VPS41: variants seen among roughly 807,000 people sequenced by gnomAD.
VPS41 encodes VPS41 subunit of HOPS complex.
A neutral mutation model predicts 130.9 loss-of-function variants in VPS41; 85 were observed. The observed-to-expected ratio is 0.65, with a 90% CI of 0.55 to 0.78. The LOEUF is 0.78. Ranked by LOEUF, VPS41 falls within the 30% of genes least tolerant of loss-of-function variation. The probability of loss-of-function intolerance (pLI) is 0.00; values close to 1 mark genes in which losing one functional copy is unlikely to be tolerated. For missense variants in VPS41, 874 were observed against 1,018.7 expected (o/e 0.86, Z 1.93); for synonymous variants, 335 against 332.9 (o/e 1.01, Z -0.07).
chr7:38,727,208 C>T (rs1795562127), intron 27 of VPS41: 1 of 348,780 alleles, frequency 2.9e-6, no homozygotes, highest in Non-Finnish European at 5.2e-6. Context: ...CTTGCTTAGC[C>T]TCTGTGTCAC....
At chr7:38,736,645 G>C (rs764646053) in intron 25 of VPS41, among the ~76,000 whole-genome samples, 1 of 152,220 alleles carries the variant, frequency 6.6e-6, no homozygotes, top group Non-Finnish European at 1.5e-5. Flanking sequence ...CACAGGATAT[G>C]ATGTGGAAGA....
chr7:38,752,193 G>A lies in VPS41; in HGVS notation c.1909C>T (p.His637Tyr), dbSNP rs900291498. 1 of 1,613,782 alleles carries A rather than the reference G, an allele frequency of 6.2e-7. No homozygotes were observed. The highest frequency in any genetic ancestry group is 8.5e-7 in the Non-Finnish European group (1 of 1,179,842). The change falls in exon 22 of 29, where the codon CAT becomes TAT. Residue 637 changes from histidine to tyrosine, a missense_variant. Transcript: ENST00000310301. ...TGCCTTACCTTTTCAAGTGGGCAAT[G>A]GGTACTGTCTCGGAGAAAGGGAAGT... Reference protein sequence around the residue: ...NLLPFLRDSTHCPLEKALEIC... With the variant: ...NLLPFLRDSTYCPLEKALEIC...
intron 3 of VPS41, among the ~76,000 whole-genome samples, chr7:38,863,707 A>C (rs1786168714): frequency 6.6e-6 from 1 of 152,158 alleles, no homozygotes. Flanking sequence ...CCAGGGTAAA[A>C]AAAATCAATA....
At chr7:38,774,804 T>A (rs1784226940) in intron 11 of VPS41, among the ~76,000 whole-genome samples, 1 of 152,136 alleles carries the variant, frequency 6.6e-6, no homozygotes, top group Non-Finnish European at 1.5e-5. Flanking sequence ...GTTTTGTTGA[T>A]CTTGGATCTC....
At chr7:38,820,758 T>C (rs750919158) in intron 6 of VPS41, among the ~76,000 whole-genome samples, 1 of 152,210 alleles carries the variant, frequency 6.6e-6, no homozygotes, top group African/African-American at 2.4e-5. Context: ...TATGTTGTTC[T>C]TCCACATGGA....
chr7:38,829,296 T>C (rs1226277065), intron 5 of VPS41, among the ~76,000 whole-genome samples: 1 of 152,228 alleles, frequency 6.6e-6, no homozygotes, highest in African/African-American at 2.4e-5. Flanking sequence ...AGAGACTTCA[T>C]GTTGCTTTTT....
intron 1 of VPS41, among the ~76,000 whole-genome samples, chr7:38,902,874 A>G (rs1033400247): frequency 6.6e-6 from 1 of 152,180 alleles, no homozygotes; most frequent in Non-Finnish European, 1.5e-5. Flanking sequence ...CGTACCCCTC[A>G]GCTAGCACCT....
intron 11 of VPS41, among the ~76,000 whole-genome samples, chr7:38,776,107 C>A (rs1302979539): frequency 2.0e-5 from 3 of 152,168 alleles, no homozygotes; most frequent in African/African-American, 7.2e-5. Flanking sequence ...CTTCCAAAGA[C>A]ACGCACAACA....
rs1186990566 is a variant in VPS41 at position 38,796,421 on chromosome 7, C to T, written c.570+324G>A. 6 of 477,650 alleles carry T rather than the reference C, an allele frequency of 1.3e-5. No individual in the cohort carries two copies. The Admixed American group carries it at 1.4e-4, about 11-fold the overall frequency. 29.6% of individuals were successfully genotyped at this position (477,650 alleles called of 1,614,324 possible). On this transcript the variant is annotated intron_variant, in intron 8 of 28. Coordinates refer to ENST00000310301, the MANE Select transcript of VPS41 (RefSeq NM_014396.4). The stretch of plus-strand genomic sequence containing the variant: ...CATATCAACTCTTACTTGCCTTTGG[C>T]CAACAGGCAAATGATATTTTCAAGA...
chr7:38,752,460 T>A (rs928895989), intron 21 of VPS41, 147 bp from the exon 22 acceptor site: 6 of 978,788 alleles, frequency 6.1e-6, no homozygotes, highest in Admixed American at 2.8e-5. Context: ...GATGGAGAAG[T>A]GGAAAGGAAA....
At chr7:38,854,596 G>A (rs559734660) in intron 4 of VPS41, among the ~76,000 whole-genome samples, 1 of 152,244 alleles carries the variant, frequency 6.6e-6, no homozygotes, top group African/African-American at 2.4e-5. Context: ...CCTGATATGG[G>A]AGAGGAAGGT....
chr7:38,779,439 T>C (rs1407196571), intron 10 of VPS41, among the ~76,000 whole-genome samples: 2 of 152,150 alleles, frequency 1.3e-5, no homozygotes, highest in Non-Finnish European at 2.9e-5. Context: ...AATTCCAAAA[T>C]AATGGCCATT....
chr7:38,794,595 G>A (rs1784587123), intron 9 of VPS41, among the ~76,000 whole-genome samples: 2 of 152,224 alleles, frequency 1.3e-5, no homozygotes, highest in South Asian at 4.2e-4. Flanking sequence ...CCCAAAACTT[G>A]TGATGTGAGA....
In VPS41 at chr7:38,763,550, A is replaced by G. The variant is rs3213660; in HGVS notation, c.1330-3T>C. The G allele has an allele frequency of 4.4e-6, 7 of 1,579,254 alleles. No individual in the cohort carries two copies. The East Asian group carries it at 1.6e-4, about 36-fold the overall frequency. On this transcript the variant is annotated splice_polypyrimidine_tract_variant and splice_region_variant and intron_variant, in intron 16 of 28. Transcript: ENST00000310301. ...CTTGGCAAATAAGGACTAATAGCCT[A>G]GGTAAGGAAAAGGGAAAAAAAAGTC...
At chr7:38,848,708 G>A (rs73357793) in intron 4 of VPS41, among the ~76,000 whole-genome samples, 1,968 of 152,222 alleles carry the variant, frequency 0.013, 32 homozygotes, top group African/African-American at 0.037. Flanking sequence ...ACTAATGAAC[G>A]TGTGGCAGGG....
At chr7:38,730,106 C>T (rs999142110) in intron 25 of VPS41, among the ~76,000 whole-genome samples, 2 of 152,128 alleles carry the variant, frequency 1.3e-5, no homozygotes, top group African/African-American at 2.4e-5. Flanking sequence ...TAACAGACAG[C>T]GCTGTCTCAC....
At chr7:38,791,258 C>G (rs1784530180) in intron 9 of VPS41, among the ~76,000 whole-genome samples, 1 of 152,214 alleles carries the variant, frequency 6.6e-6, no homozygotes, top group African/African-American at 2.4e-5. Flanking sequence ...ACTAGGGAAA[C>G]TACTAAATCA....
At chr7:38,840,830 C>T (rs545122875) in intron 4 of VPS41, among the ~76,000 whole-genome samples, 3 of 152,250 alleles carry the variant, frequency 2.0e-5, no homozygotes, top group East Asian at 1.9e-4. Context: ...AGAGGACTTC[C>T]TTCATTGAAA....
chr7:38,849,440 AC>A (rs1785801298), intron 4 of VPS41, among the ~76,000 whole-genome samples: 1 of 152,154 alleles, frequency 6.6e-6, no homozygotes, highest in South Asian at 2.1e-4. Context: ...ATCAGATCAC[AC>A]CTGGGCTTGG....
Sources: gnomAD v4.1 joint callset for allele counts (sites outside exome capture counted in the v4.1 genomes callset) on GRCh38, gnomAD v4.1.1 for gene constraint, MANE v1.5 for transcripts, NCBI Gene and HGNC (gene_info 2026-07-23, HGNC 2026-07-21) for gene names.